SCNN1G: variants seen among roughly 807,000 people sequenced by gnomAD.
SCNN1G encodes the protein sodium channel epithelial 1 subunit gamma.
A neutral mutation model predicts 64.6 loss-of-function variants in SCNN1G; 27 were observed. The observed-to-expected ratio is 0.42, with a 90% CI of 0.31 to 0.58. SCNN1G has a LOEUF of 0.58. Ranked by LOEUF, SCNN1G falls within the 20% of genes least tolerant of loss-of-function variation. SCNN1G has a pLI of 0.18. For synonymous variants in SCNN1G, 330 were observed against 314.2 expected, an observed-to-expected ratio of 1.05 and a Z score of -0.53; for missense variants, 743 against 823.4, an observed-to-expected ratio of 0.90 and a Z score of 1.19.
intron 6 of SCNN1G, among the ~76,000 whole-genome samples, chr16:23,206,113 G>A (rs1003332490): frequency 6.6e-6 from 1 of 152,010 alleles, no homozygotes; most frequent in Non-Finnish European, 1.5e-5. Context: ...CCTAAAACAG[G>A]GTGCAGACAG....
chr16:23,187,105 T>TC (rs959627880), intron 2 of SCNN1G, among the ~76,000 whole-genome samples: 3 of 140,864 alleles, frequency 2.1e-5, no homozygotes, highest in African/African-American at 5.4e-5. Flanking sequence ...CCTGGCCTTT[T>TC]CTTTTTTTTT....
chr16:23,186,025 CT>C (rs1180023008), intron 1 of SCNN1G, among the ~76,000 whole-genome samples: 1 of 152,228 alleles, frequency 6.6e-6, no homozygotes, highest in East Asian at 1.9e-4. Flanking sequence ...GGCAGCTTCT[CT>C]GGCAGCTGTG....
rs748894375 is a variant in SCNN1G, at chr16:23,216,179, C to G, written c.*710C>G. On this transcript the variant is annotated 3_prime_UTR_variant, in exon 13 of 13. Coordinates refer to ENST00000300061, the MANE Select transcript of SCNN1G (RefSeq NM_001039.4). ...TTTTGTGGATGAATAAATTGAGGCA[C>G]AGAAAGATTAAGTTACCGGCCCAAG... 1 of 152,846 alleles carries G rather than the reference C, an allele frequency of 6.5e-6. No homozygotes were observed. The highest frequency in any genetic ancestry group is 1.5e-5 in the Non-Finnish European group (1 of 68,588). 9.5% of individuals were successfully genotyped at this position (152,846 alleles called of 1,614,324 possible).
At chr16:23,211,991 C>G in intron 7 of SCNN1G, 43 bp from the exon 8 acceptor site, 1 of 1,418,876 alleles carries the variant, frequency 7.0e-7, no homozygotes, top group Non-Finnish European at 1.0e-6. Context: ...CCTGACATCC[C>G]TGAGCAAAGA....
intron 1 of SCNN1G, among the ~76,000 whole-genome samples, chr16:23,184,487 T>A (rs1277412106): frequency 2.0e-5 from 3 of 152,188 alleles, no homozygotes; most frequent in Non-Finnish European, 4.4e-5. Flanking sequence ...GGCAATATTT[T>A]AAGTGATAAA....
intron 11 of SCNN1G, among the ~76,000 whole-genome samples, chr16:23,213,373 C>T (rs940495426): frequency 6.6e-5 from 10 of 151,958 alleles, no homozygotes; most frequent in Middle Eastern, 3.4e-3. Context: ...CTGCCTCAGC[C>T]TCCTAAGTAG....
chr16:23,189,802 T>A, intron 3 of SCNN1G, 131 bp downstream of exon 3: 1 of 942,482 alleles, frequency 1.1e-6, no homozygotes, highest in Non-Finnish European at 1.7e-6. Flanking sequence ...TCAGACACAG[T>A]GACTCATGCT....
At chr16:23,205,261 T>C (rs1391581285) in intron 6 of SCNN1G, among the ~76,000 whole-genome samples, 1 of 152,078 alleles carries the variant, frequency 6.6e-6, no homozygotes, top group Non-Finnish European at 1.5e-5. Context: ...GAATGACCAT[T>C]GACCATAATA....
intron 2 of SCNN1G, among the ~76,000 whole-genome samples, chr16:23,186,841 C>A (rs890260627): frequency 6.6e-6 from 1 of 152,020 alleles, no homozygotes; most frequent in Non-Finnish European, 1.5e-5. Flanking sequence ...GATGGAGTTT[C>A]GCTCTTGTTG....
At chr16:23,204,340 G>T (rs867947115) in intron 6 of SCNN1G, among the ~76,000 whole-genome samples, 95 of 99,484 alleles carry the variant, frequency 9.5e-4, no homozygotes, top group Non-Finnish European at 1.5e-3. Context: ...TATATAGAGA[G>T]AGAGAGAGAG....
intron 3 of SCNN1G, among the ~76,000 whole-genome samples, chr16:23,191,307 A>G (rs1959705008): frequency 6.6e-6 from 1 of 152,176 alleles, no homozygotes; most frequent in Non-Finnish European, 1.5e-5. Flanking sequence ...CCTTGTAGCT[A>G]TAGTCCCAAA....
At chr16:23,208,935 C>G (rs1028324373) in intron 6 of SCNN1G, among the ~76,000 whole-genome samples, 20 of 152,180 alleles carry the variant, frequency 1.3e-4, no homozygotes, top group African/African-American at 4.6e-4. Flanking sequence ...CTCCCACGTC[C>G]CAGTGGATTT....
At chr16:23,212,005 G>A (rs1960087207) in intron 7 of SCNN1G, 29 bp from the exon 8 acceptor site, 5 of 1,483,454 alleles carry the variant, frequency 3.4e-6, no homozygotes, top group Non-Finnish European at 4.7e-6. Context: ...GCAAAGACAT[G>A]AATGGCATTC....
At chr16:23,204,334 T>TATATATAGAGAGAGAGAG (rs1567267153) in intron 6 of SCNN1G, among the ~76,000 whole-genome samples, 2 of 15,176 alleles carry the variant, frequency 1.3e-4, no homozygotes, top group South Asian at 5.8e-3. Context: ...TATATATATA[T>TATATATAGAGAGAGAGAG]AGAGAGAGAG....
At chr16:23,191,449 GA>G (rs1226577122) in intron 3 of SCNN1G, among the ~76,000 whole-genome samples, 13 of 152,166 alleles carry the variant, frequency 8.5e-5, no homozygotes, top group African/African-American at 2.6e-4. Flanking sequence ...GTTTGTTTTA[GA>G]AACAAGATTT....
Position 23,215,325 on chromosome 16 carries a change from A to C in SCNN1G, c.1806A>C (p.Leu602=), listed in dbSNP as rs144084513. Residue 602 remains leucine, a synonymous_variant, in exon 13 of 13, where the codon CTA becomes CTC. Coordinates refer to ENST00000300061, the MANE Select transcript of SCNN1G (RefSeq NM_001039.4). ...CAGCCCTGGATATAGACGATGACCTACCCACTTTCAACTCTGCTTTGCACC... is the reference window on the plus strand; with the variant it reads ...CAGCCCTGGATATAGACGATGACCTCCCCACTTTCAACTCTGCTTTGCACC... ...DNPALDIDDD[L]PTFNSALHLP... 8.7e-6 allele frequency: 14 copies of C among 1,614,004 alleles called. No individual in the cohort carries two copies. The African/African-American group carries it at 1.7e-4, about 20-fold the overall frequency.
At chr16:23,191,857 C>T (rs149088067) in intron 3 of SCNN1G, among the ~76,000 whole-genome samples, 3 of 152,254 alleles carry the variant, frequency 2.0e-5, no homozygotes, top group East Asian at 3.9e-4. Flanking sequence ...AGCTACCACA[C>T]GTGGTTGGGA....
rs1469743755 is a variant in SCNN1G at position 23,213,296 on chromosome 16, AG to A, written c.1493+135del. 6.5e-5 allele frequency: 44 copies of A among 672,618 alleles called. No homozygotes were observed. In the East Asian group the frequency reaches 1.1e-3, roughly 18 times the overall value. 41.7% of individuals were successfully genotyped at this position (672,618 alleles called of 1,614,324 possible). On this transcript the variant is annotated intron_variant, in intron 11 of 12. Coordinates refer to ENST00000300061, the MANE Select transcript of SCNN1G (RefSeq NM_001039.4). ...TTTATGGAGTCTTACTCTGTCACCC[AG>A]GCTGGAGTGCAGTGGTGTGATCTCA...
chr16:23,192,355 T>G lies in SCNN1G; in HGVS notation c.622T>G (p.Ser208Ala). The G allele has an allele frequency of 1.2e-6, 2 of 1,613,918 alleles. No individual in the cohort carries two copies. Among genetic ancestry groups the G allele is most frequent in the Non-Finnish European group, 1.7e-6 (2 of 1,179,838 alleles). The change falls in exon 4 of 13, where the codon TCA (serine) becomes GCA (alanine). Residue 208 changes from serine to alanine, a missense_variant. Physicochemically the swap from Ser to Ala is moderately conservative, Grantham distance 99. Coordinates refer to ENST00000300061, the MANE Select transcript of SCNN1G (RefSeq NM_001039.4). ...TCGCATCTCCTCTTATTCACAGTGCTCAAATGACACCTCCGACTGTGCCAC... is the reference window on the plus strand; with the variant it reads ...TCGCATCTCCTCTTATTCACAGTGCGCAAATGACACCTCCGACTGTGCCAC... ...SKQVVGFQLC[S>A]NDTSDCATYT...
Sources: gnomAD v4.1 joint callset for allele counts (sites outside exome capture counted in the v4.1 genomes callset) on GRCh38, gnomAD v4.1.1 for gene constraint, MANE v1.5 for transcripts, NCBI Gene and HGNC (gene_info 2026-07-23, HGNC 2026-07-21) for gene names.